Variants in PECAM1 observed in about 807,000 individuals in gnomAD.
The protein encoded by PECAM1 is platelet and endothelial cell adhesion molecule 1, also known as platelet endothelial cell adhesion molecule.
PECAM1 carries 8 observed loss-of-function variants against 13.8 expected under a neutral mutation model. That is an observed-to-expected ratio of 0.58 (90% CI 0.34 to 1.05). The LOEUF is 1.05. PECAM1 is among the 50% of genes least tolerant of loss of function. PECAM1 has a pLI of 0.03. For synonymous variants in PECAM1, 136 were observed against 52.6 expected, an observed-to-expected ratio of 2.58 and a Z score of -6.86; for missense variants, 304 against 141.2, an observed-to-expected ratio of 2.15 and a Z score of -5.84.
chr17:64,353,069 C>G (rs2035764681), intron 10 of PECAM1, among the ~76,000 whole-genome samples: 1 of 152,124 alleles, frequency 6.6e-6, no homozygotes, highest in Non-Finnish European at 1.5e-5. Context: ...CTGTTTCTCT[C>G]TGGAACAGAG....
chr17:64,323,326 T>C lies in PECAM1; in HGVS notation c.*490A>G, dbSNP rs1555644873. On this transcript the variant is annotated 3_prime_UTR_variant, in exon 16 of 16. Coordinates refer to ENST00000563924, the MANE Select transcript of PECAM1 (RefSeq NM_000442.5). ...GGGGGAGGCTGTCTGGTCAGCACTG[T>C]GTATTTCCAAAGAACAAGGACTAGC... 9.5e-7 allele frequency: 1 copy of C among 1,057,494 alleles called. No homozygotes were observed. The highest frequency in any genetic ancestry group is 1.1e-6 in the Non-Finnish European group (1 of 873,934). The allele number at this position is 1,057,494 out of a possible 1,614,324, so 65.5% of individuals were successfully genotyped here. A position where few individuals can be genotyped will look rare whatever the true frequency, so the allele number is the denominator to read the frequency against.
At chr17:64,344,772 CT>C (rs2035522514) in intron 13 of PECAM1, among the ~76,000 whole-genome samples, 1 of 152,152 alleles carries the variant, frequency 6.6e-6, no homozygotes, top group East Asian at 1.9e-4. Flanking sequence ...CACACTGCTC[CT>C]TAGCTGCCAA....
rs906657942 is a variant in PECAM1 at position 64,368,473 on chromosome 17, C to T, written c.967+1277G>A. The stretch of plus-strand genomic sequence containing the variant: ...CTGTAATCCTTCGTTGAGTTACTAA[C>T]CTCACAGTCTCAGTTTCCACATCCA... On this transcript the variant is annotated intron_variant, in intron 5 of 15. Coordinates refer to ENST00000563924, the MANE Select transcript of PECAM1 (RefSeq NM_000442.5). 8.3e-4 allele frequency among the ~76,000 whole-genome samples: 126 copies of T among 152,206 alleles called. No homozygotes were observed. In the East Asian group the frequency reaches 0.021, roughly 25 times the overall value.
chr17:64,352,538 C>T (rs1003838140), intron 10 of PECAM1, 75 bp from the exon 11 acceptor site: 2 of 410,170 alleles, frequency 4.9e-6, no homozygotes, highest in African/African-American at 2.1e-5. Flanking sequence ...CCCCAAACCA[C>T]CAAAGTAAAC....
chr17:64,389,773 C>T (rs925022492), intron 2 of PECAM1, among the ~76,000 whole-genome samples: 1 of 152,120 alleles, frequency 6.6e-6, no homozygotes, highest in African/African-American at 2.4e-5. Flanking sequence ...TGAGGCCGGG[C>T]GCGGTGGCTC....
chr17:64,342,905 T>A (rs1039903410), intron 13 of PECAM1, among the ~76,000 whole-genome samples: 4 of 151,966 alleles, frequency 2.6e-5, no homozygotes, highest in Non-Finnish European at 4.4e-5. Context: ...ACACATTGTA[T>A]ACACACTGTA....
chr17:64,376,872 A>G (rs1335860130), intron 3 of PECAM1, among the ~76,000 whole-genome samples: 1 of 152,176 alleles, frequency 6.6e-6, no homozygotes, highest in Non-Finnish European at 1.5e-5. Context: ...GTTGCTTGGG[A>G]GGCTGAGACA....
intron 13 of PECAM1, among the ~76,000 whole-genome samples, chr17:64,344,094 G>T (rs1366028211): frequency 6.6e-6 from 1 of 152,082 alleles, no homozygotes; most frequent in East Asian, 1.9e-4. Context: ...ATGGTGGGGT[G>T]GTCACGGCCA....
chr17:64,354,985 G>A lies in PECAM1; in HGVS notation c.1836C>T (p.Ile612=). 1 of 475,336 alleles carries A rather than the reference G, an allele frequency of 2.1e-6. No individual in the cohort carries two copies. Among genetic ancestry groups the A allele is most frequent in the Non-Finnish European group, 3.9e-6 (1 of 259,046 alleles). The allele number at this position is 475,336 out of a possible 1,614,324, so 29.4% of individuals were successfully genotyped here. ...GLIAVVIIGV[I]IALLIIAAKC... is the part of the protein sequence containing the mutation. The stretch of plus-strand genomic sequence containing the variant: ...TGGCCGCAATGATCAAGAGAGCAAT[G>A]ATCACTCCGATGATAACCACTGCAA... Residue 612 remains isoleucine, a synonymous_variant, in exon 9 of 16, where the codon ATC becomes ATT. Coordinates refer to ENST00000563924, the MANE Select transcript of PECAM1 (RefSeq NM_000442.5).
At chr17:64,362,932 A>G (rs1386317984) in intron 6 of PECAM1, among the ~76,000 whole-genome samples, 1 of 152,154 alleles carries the variant, frequency 6.6e-6, no homozygotes, top group Non-Finnish European at 1.5e-5. Context: ...GAATCTTGCC[A>G]GAATCTTAGC....
intron 15 of PECAM1, among the ~76,000 whole-genome samples, chr17:64,324,397 C>G (rs943721894): frequency 6.6e-6 from 1 of 152,190 alleles, no homozygotes; most frequent in East Asian, 1.9e-4. Flanking sequence ...CTCCTTCTCT[C>G]CATGCCTGCT....
intron 15 of PECAM1, among the ~76,000 whole-genome samples, chr17:64,324,597 G>A (rs76679953): frequency 0.035 from 5,345 of 152,260 alleles, 326 homozygotes; most frequent in African/African-American, 0.12. Context: ...TCTAGCTAAC[G>A]TGAGATGTAC....
chr17:64,381,540 C>T lies in PECAM1; in HGVS notation c.92-3423G>A, dbSNP rs200214355. On this transcript the variant is annotated intron_variant, in intron 2 of 15. Coordinates refer to ENST00000563924, the MANE Select transcript of PECAM1 (RefSeq NM_000442.5). Reference sequence around the variant, plus strand: ...TTCCCTCTCTTTTAACAAAGTTAGGCCTTTGTTGGGTAATTTAAAATTTAA... The same window carrying T: ...TTCCCTCTCTTTTAACAAAGTTAGGTCTTTGTTGGGTAATTTAAAATTTAA... Among the ~76,000 whole-genome samples, 489 of 152,200 alleles carry T rather than the reference C, an allele frequency of 3.2e-3. 19 individuals carry two copies. The East Asian group carries it at 0.078, about 24-fold the overall frequency.
chr17:64,325,783 G>T (rs1440343370), intron 15 of PECAM1, among the ~76,000 whole-genome samples: 1 of 152,100 alleles, frequency 6.6e-6, no homozygotes, highest in Non-Finnish European at 1.5e-5. Context: ...ACCCACAAAA[G>T]GATTCCTGGA....
rs1251627586 is a variant in PECAM1 at position 64,362,126 on chromosome 17, A to C, written c.1216+1023T>G. Among the ~76,000 whole-genome samples the C allele has an allele frequency of 3.3e-5, 5 of 152,214 alleles. No individual in the cohort carries two copies. The South Asian group carries it at 8.3e-4, about 25-fold the overall frequency. ...AATCAACCAGAATCTCGCCACCCAA[A>C]GTGTGGTCCAGAGACCAACAGCATC... On this transcript the variant is annotated intron_variant, in intron 6 of 15. Coordinates refer to ENST00000563924, the MANE Select transcript of PECAM1 (RefSeq NM_000442.5).
At chr17:64,345,321 G>A (rs1963230856) in intron 13 of PECAM1, among the ~76,000 whole-genome samples, 1 of 152,150 alleles carries the variant, frequency 6.6e-6, no homozygotes, top group Admixed American at 6.5e-5. Flanking sequence ...CTCTCAGGCT[G>A]TCCCTCCACA....
intron 3 of PECAM1, 142 bp downstream of exon 3, chr17:64,377,682 G>C (rs2036394954): frequency 2.3e-6 from 1 of 434,246 alleles, no homozygotes; most frequent in Admixed American, 3.4e-5. Context: ...TACGTATTCA[G>C]GTAAGGAAAA....
chr17:64,332,466 A>C (rs2035151359), intron 14 of PECAM1, among the ~76,000 whole-genome samples: 1 of 152,250 alleles, frequency 6.6e-6, no homozygotes, highest in African/African-American at 2.4e-5. Context: ...CTCCATGCAC[A>C]CTTGCAGTTC....
At chr17:64,341,192 A>T (rs1365581685) in intron 14 of PECAM1, among the ~76,000 whole-genome samples, 1 of 151,562 alleles carries the variant, frequency 6.6e-6, no homozygotes, top group Non-Finnish European at 1.5e-5. Flanking sequence ...TAAATCCGGG[A>T]AGTGGAGGTT....
Sources: gnomAD v4.1 joint callset for allele counts (sites outside exome capture counted in the v4.1 genomes callset) on GRCh38, gnomAD v4.1.1 for gene constraint, MANE v1.5 for transcripts, NCBI Gene and HGNC (gene_info 2026-07-23, HGNC 2026-07-21) for gene names.